Variants in SLC15A2 observed in about 807,000 individuals in gnomAD.
The protein encoded by SLC15A2 is kidney H(+)/peptide cotransporter.
In SLC15A2, 77 loss-of-function variants were observed where a neutral mutation model predicts 95.5. The observed-to-expected ratio is 0.81, with a 90% CI of 0.67 to 0.97. The LOEUF (loss-of-function observed/expected upper bound fraction) is 0.97, where lower values mean the gene tolerates loss of function less well. Ranked by LOEUF, SLC15A2 falls within the 50% of genes least tolerant of loss-of-function variation. The pLI, the probability that SLC15A2 is intolerant of heterozygous loss-of-function variation, is 0.00. For missense variants in SLC15A2, 893 were observed against 874.4 expected, an observed-to-expected ratio of 1.02 and a Z score of -0.27; for synonymous variants, 306 against 306.9, an observed-to-expected ratio of 1.00 and a Z score of 0.03.
In SLC15A2 at chr3:121,911,664, C is replaced by T. The variant is rs754271930; in HGVS notation, c.426C>T (p.His142=). The change falls in exon 4 of 22, where the codon CAC becomes CAT. Residue 142 remains histidine, a splice_region_variant and synonymous_variant. Transcript: ENST00000489711. ...CAATACTGGGAGGACAAGTGGTACA[C>T]ACGTGAGTAAAATCATGGAATCAAC... is the stretch of plus-strand genomic sequence containing the variant. ...ALPILGGQVV[H]TVLSLIGLSL... 1 of 1,597,472 alleles carries T rather than the reference C, an allele frequency of 6.3e-7. No homozygotes were observed. The highest frequency in any genetic ancestry group is 2.2e-5 in the East Asian group (1 of 44,792).
chr3:121,918,727 A>G lies in SLC15A2; in HGVS notation c.697+3034A>G, dbSNP rs143453340. 7.2e-5 allele frequency among the ~76,000 whole-genome samples: 11 copies of G among 152,364 alleles called. No individual in the cohort carries two copies. In the East Asian group the frequency reaches 2.1e-3, roughly 29 times the overall value. ...GAAGATTTCAAGAAAAGATTCATTT[A>G]GAGTGATAAATGTTCCTGAGTGGGA... On this transcript the variant is annotated intron_variant, in intron 7 of 21. Coordinates refer to ENST00000489711, the MANE Select transcript of SLC15A2 (RefSeq NM_021082.4).
At chr3:121,915,565 A>G in intron 6 of SLC15A2, 51 bp from the exon 7 acceptor site, 1 of 1,385,284 alleles carries the variant, frequency 7.2e-7, no homozygotes, top group Non-Finnish European at 1.0e-6. Flanking sequence ...ATAAAACATC[A>G]AATATTCAAG....
intron 19 of SLC15A2, among the ~76,000 whole-genome samples, chr3:121,934,501 A>C (rs1284685167): frequency 6.6e-6 from 1 of 151,498 alleles, no homozygotes; most frequent in Non-Finnish European, 1.5e-5. Context: ...TTGGATTCCT[A>C]GGTATTTTAT....
At chr3:121,902,876 G>A (rs1317120927) in intron 3 of SLC15A2, among the ~76,000 whole-genome samples, 1 of 152,218 alleles carries the variant, frequency 6.6e-6, no homozygotes, top group Non-Finnish European at 1.5e-5. Context: ...TATATACCCA[G>A]TAATGGGATG....
intron 19 of SLC15A2, among the ~76,000 whole-genome samples, chr3:121,938,063 C>T (rs570176746): frequency 3.3e-5 from 5 of 151,860 alleles, no homozygotes; most frequent in Admixed American, 6.5e-5. Flanking sequence ...GGGTGCCTCC[C>T]AGTTAGGCTG....
At chr3:121,929,250 T>TCTACTGCATATTGGACATCACG in intron 16 of SLC15A2, 52 bp from the exon 17 acceptor site, 1 of 1,609,440 alleles carries the variant, frequency 6.2e-7, no homozygotes, top group Non-Finnish European at 8.5e-7. Flanking sequence ...ATTTTCTGAG[T>TCTACTGCATATTGGACATCACG]ATAGGTCTTA....
chr3:121,932,905 T>TC (rs901244917), intron 19 of SLC15A2, among the ~76,000 whole-genome samples: 3 of 152,010 alleles, frequency 2.0e-5, no homozygotes, highest in Non-Finnish European at 4.4e-5. Context: ...GTGCTATCCC[T>TC]CCCCCCTCCG....
At chr3:121,938,371 C>T (rs1008601467) in intron 19 of SLC15A2, among the ~76,000 whole-genome samples, 1 of 152,250 alleles carries the variant, frequency 6.6e-6, no homozygotes, top group African/African-American at 2.4e-5. Flanking sequence ...AGCCTCGCTG[C>T]CACCTTGCAT....
At chr3:121,911,481 A>T in intron 3 of SLC15A2, 93 bp from the exon 4 acceptor site, 5 of 768,106 alleles carry the variant, frequency 6.5e-6, no homozygotes, top group East Asian at 5.0e-5. Flanking sequence ...TCCTCCATTT[A>T]TCCCCACACT....
chr3:121,914,988 T>A (rs1709856418), intron 5 of SLC15A2: 1 of 1,269,234 alleles, frequency 7.9e-7, no homozygotes, highest in East Asian at 3.6e-5. Flanking sequence ...AGATTATTTT[T>A]AACCTATGAA....
In SLC15A2 at chr3:121,896,429, A is replaced by C. The variant is rs752201942; in HGVS notation, c.129A>C (p.Pro43=). Residue 43 remains proline, a synonymous_variant, in exon 2 of 22, where the codon CCA becomes CCC. Transcript: ENST00000489711. ...PSPTICGSNY[P]LSIAFIVVNE... is the part of the protein sequence containing the mutation. ...AGACAATCTGTGGCTCCAACTATCC[A>C]CTGAGCATTGCCTTCATTGTGGTGA... The C allele has an allele frequency of 2.5e-6, 4 of 1,614,124 alleles. No homozygotes were observed. In the South Asian group the frequency reaches 4.4e-5, roughly 18 times the overall value.
rs768695771 is a variant in SLC15A2 at position 121,929,030 on chromosome 3, T to A, written c.1390T>A (p.Phe464Ile). ...GCACCTGAAAACAAAAAGCCAGGAT[T>A]TTCACTTCCACCTGAAATATCACAA... Reference protein sequence around the residue: ...KLHLKTKSQDFHFHLKYHNLS... With the variant: ...KLHLKTKSQDIHFHLKYHNLS... Residue 464 changes from phenylalanine (F) to isoleucine (I), a missense_variant, in exon 16 of 22, where the codon TTT becomes ATT. By Grantham distance (21) the Phe-to-Ile change is conservative. Coordinates refer to ENST00000489711, the MANE Select transcript of SLC15A2 (RefSeq NM_021082.4). 10 of 1,613,956 alleles carry A rather than the reference T, an allele frequency of 6.2e-6. No homozygotes were observed. Among genetic ancestry groups the A allele is most frequent in the Admixed American group, 5.0e-5 (3 of 59,998 alleles).
chr3:121,908,970 T>A (rs750229053), intron 3 of SLC15A2, among the ~76,000 whole-genome samples: 13 of 152,096 alleles, frequency 8.5e-5, no homozygotes, highest in Non-Finnish European at 1.5e-4. Context: ...GCCAGGAGTT[T>A]GAGACCAGCC....
At chr3:121,905,837 G>A (rs1709627304) in intron 3 of SLC15A2, among the ~76,000 whole-genome samples, 1 of 152,180 alleles carries the variant, frequency 6.6e-6, no homozygotes, top group Non-Finnish European at 1.5e-5. Flanking sequence ...GATTTGGGGT[G>A]GAGAGTTCTG....
At chr3:121,908,406 C>G (rs1389735902) in intron 3 of SLC15A2, among the ~76,000 whole-genome samples, 1 of 152,216 alleles carries the variant, frequency 6.6e-6, no homozygotes, top group Non-Finnish European at 1.5e-5. Context: ...CCAACCAGTC[C>G]CAATGAAATG....
In SLC15A2 at chr3:121,911,554, T is replaced by C. The variant is rs542107292; in HGVS notation, c.336-20T>C. On this transcript the variant is annotated intron_variant, in intron 3 of 21. Coordinates refer to ENST00000489711, the MANE Select transcript of SLC15A2 (RefSeq NM_021082.4). ...CTCTCAGTTCTGGTTTTAGACTGAC[T>C]GATTTAGCTCTCTCAACAGGACAAT... is the stretch of plus-strand genomic sequence containing the variant. 6.4e-7 allele frequency: 1 copy of C among 1,564,670 alleles called. No individual in the cohort carries two copies. Among genetic ancestry groups the C allele is most frequent in the Non-Finnish European group, 8.8e-7 (1 of 1,135,174 alleles).
At chr3:121,920,360 A>G (rs780028306) in intron 7 of SLC15A2, among the ~76,000 whole-genome samples, 1 of 152,062 alleles carries the variant, frequency 6.6e-6, no homozygotes, top group Non-Finnish European at 1.5e-5. Context: ...TGGTGGCGCA[A>G]TCTCAGCTCA....
At chr3:121,903,413 G>A (rs1471574730) in intron 3 of SLC15A2, among the ~76,000 whole-genome samples, 1 of 152,190 alleles carries the variant, frequency 6.6e-6, no homozygotes, top group East Asian at 1.9e-4. Context: ...TTTTAGACAT[G>A]AAGTCCTTGC....
intron 3 of SLC15A2, among the ~76,000 whole-genome samples, chr3:121,899,125 C>T (rs961309839): frequency 3.9e-5 from 6 of 152,104 alleles, no homozygotes; most frequent in Non-Finnish European, 8.8e-5. Context: ...TTAAAAATAA[C>T]TTCCTTTAAG....
Sources: gnomAD v4.1 joint callset for allele counts (sites outside exome capture counted in the v4.1 genomes callset) on GRCh38, gnomAD v4.1.1 for gene constraint, MANE v1.5 for transcripts, NCBI Gene and HGNC (gene_info 2026-07-23, HGNC 2026-07-21) for gene names.